The following RGS10 variants were observed in gnomAD, a reference collection of about 807,000 sequenced individuals.
RGS10 encodes the protein regulator of G-protein signalling 10.
A neutral mutation model predicts 23.5 loss-of-function variants in RGS10; 11 were observed. The observed-to-expected ratio is 0.47, with a 90% CI of 0.29 to 0.77. RGS10 has a LOEUF of 0.77. Ranked by LOEUF, RGS10 falls within the 30% of genes least tolerant of loss-of-function variation. RGS10 has a pLI of 0.08. For missense variants in RGS10, 180 were observed against 226.3 expected (o/e 0.80, Z 1.31); for synonymous variants, 77 against 83.2 (o/e 0.92, Z 0.41).
chr10:119,505,739 G>A (rs1434456321), intron 4 of RGS10, among the ~76,000 whole-genome samples: 3 of 152,186 alleles, frequency 2.0e-5, no homozygotes, highest in Non-Finnish European at 4.4e-5. Flanking sequence ...AACCAGCCTT[G>A]AAGGCCCCTC....
intron 3 of RGS10, among the ~76,000 whole-genome samples, chr10:119,520,358 C>T (rs79265523): frequency 6.6e-5 from 10 of 152,250 alleles, no homozygotes; most frequent in East Asian, 1.9e-4. Context: ...CAACGAGAAG[C>T]GCGTCCGGAG....
At chr10:119,515,683 C>G (rs555194939) in intron 3 of RGS10, 31 bp from the exon 4 acceptor site, 1 of 1,612,650 alleles carries the variant, frequency 6.2e-7, no homozygotes, top group Non-Finnish European at 8.5e-7. Flanking sequence ...CTTGTGCTAT[C>G]TGCACACACA....
Position 119,527,193 on chromosome 10 carries a change from C to T in RGS10, c.168+113G>A, listed in dbSNP as rs974710682. 2 of 710,072 alleles carry T rather than the reference C, an allele frequency of 2.8e-6. No homozygotes were observed. The highest frequency in any genetic ancestry group is 4.9e-6 in the Non-Finnish European group (2 of 409,334). The allele number at this position is 710,072 out of a possible 1,614,324, so 44.0% of individuals were successfully genotyped here. A position where few individuals can be genotyped will look rare whatever the true frequency, so the allele number is the denominator to read the frequency against. ...AGACAGTACTGAACTCTCAAGCTGG[C>T]ATAGAGAGTGCTACGCTGACAGACA... On this transcript the variant is annotated intron_variant, in intron 2 of 4. Coordinates refer to ENST00000369103, the MANE Select transcript of RGS10 (RefSeq NM_001005339.2). This position sits in a 1 kb window ranked among gnomAD's most constrained non-coding sequence, Gnocchi z 4.2.
Position 119,517,818 on chromosome 10 carries a change from T to C in RGS10, c.256-2166A>G, listed in dbSNP as rs1844163687. Among the ~76,000 whole-genome samples the C allele has an allele frequency of 6.6e-6, 1 of 152,120 alleles. No homozygotes were observed. The highest frequency in any genetic ancestry group is 2.4e-5 in the African/African-American group (1 of 41,422). On this transcript the variant is annotated intron_variant, in intron 3 of 4. Coordinates refer to ENST00000369103, the MANE Select transcript of RGS10 (RefSeq NM_001005339.2). This position sits in a 1 kb window ranked among gnomAD's most constrained non-coding sequence, Gnocchi z 5.0. ...AAGAGGCCGGGGGAGAGGAAGTAGG[T>C]TCCAGTGACTGCAGGTATATAAGCT...
chr10:119,515,757 G>T, intron 3 of RGS10, 105 bp from the exon 4 acceptor site: 1 of 1,391,112 alleles, frequency 7.2e-7, no homozygotes. Flanking sequence ...TGTGGCAAGA[G>T]AAAGGCACCC....
intron 4 of RGS10, among the ~76,000 whole-genome samples, chr10:119,512,220 A>G (rs1252959122): frequency 6.6e-6 from 1 of 152,212 alleles, no homozygotes; most frequent in Non-Finnish European, 1.5e-5. Context: ...AGCAGTGCTC[A>G]GCAAAGCCAA....
Position 119,536,856 on chromosome 10 carries a change from C to G in RGS10, c.49+5734G>C, listed in dbSNP as rs181874389. Among the ~76,000 whole-genome samples the G allele has an allele frequency of 1.5e-3, 223 of 152,254 alleles. 3 individuals are homozygous for G. In the East Asian group the frequency reaches 0.037, roughly 25 times the overall value. On this transcript the variant is annotated intron_variant, in intron 1 of 4. Transcript: ENST00000369103. ...CATTTCTGCGTAAAGCTGCCCTCAC[C>G]CTCCTACTCTGCCTCAATCTGTCCC...
chr10:119,520,221 A>T (rs141818796), intron 3 of RGS10, among the ~76,000 whole-genome samples: 31 of 152,364 alleles, frequency 2.0e-4, no homozygotes, highest in African/African-American at 6.7e-4. Flanking sequence ...AAAATATCCA[A>T]TAAATGATAT....
intron 1 of RGS10, among the ~76,000 whole-genome samples, chr10:119,529,600 C>T (rs1162809737): frequency 2.6e-5 from 4 of 152,156 alleles, no homozygotes; most frequent in African/African-American, 7.2e-5. Flanking sequence ...GCACATCAGG[C>T]ACCTAGCAGC....
chr10:119,504,582 C>T (rs1375854361), intron 4 of RGS10, among the ~76,000 whole-genome samples: 2 of 152,130 alleles, frequency 1.3e-5, no homozygotes, highest in Admixed American at 6.6e-5. Flanking sequence ...ACATTCACCT[C>T]GAATCTCAGA....
intron 3 of RGS10, among the ~76,000 whole-genome samples, chr10:119,520,809 C>CAAAAAA (rs58487462): frequency 0.016 from 1,954 of 125,916 alleles, 10 homozygotes; most frequent in African/African-American, 0.024. Flanking sequence ...TCTCCAAAAG[C>CAAAAAA]AAAAAAAAAA....
chr10:119,534,766 T>C (rs1459473887), intron 1 of RGS10, among the ~76,000 whole-genome samples: 2 of 151,334 alleles, frequency 1.3e-5, no homozygotes, highest in Non-Finnish European at 1.5e-5. Flanking sequence ...GGTGCACGCC[T>C]GTAGTTCCAG....
chr10:119,533,516 T>C (rs932408927), intron 1 of RGS10, among the ~76,000 whole-genome samples: 6 of 152,236 alleles, frequency 3.9e-5, no homozygotes, highest in Non-Finnish European at 7.3e-5. Context: ...ACCTCTGAAC[T>C]TAAGAATAAA....
intron 3 of RGS10, among the ~76,000 whole-genome samples, chr10:119,521,621 G>A (rs201434814): frequency 1.5e-4 from 5 of 33,762 alleles, no homozygotes; most frequent in Non-Finnish European, 3.9e-4. Flanking sequence ...AAGGAAGGAA[G>A]GAAAGAAAGG....
chr10:119,502,699 G>A (rs564540170), intron 4 of RGS10, among the ~76,000 whole-genome samples: 6 of 152,142 alleles, frequency 3.9e-5, no homozygotes, highest in African/African-American at 1.4e-4. Flanking sequence ...AAGGCTGCCA[G>A]CAAGCCTGAG....
At chr10:119,536,810 T>C (rs1275275436) in intron 1 of RGS10, among the ~76,000 whole-genome samples, 2 of 152,110 alleles carry the variant, frequency 1.3e-5, no homozygotes, top group East Asian at 3.9e-4. Flanking sequence ...CAGAAGCCCC[T>C]GTGTGTCCTC....
At chr10:119,511,267 C>T (rs12244450) in intron 4 of RGS10, among the ~76,000 whole-genome samples, 8,122 of 152,228 alleles carry the variant, frequency 0.053, 266 homozygotes, top group Middle Eastern at 0.078. Context: ...AGAACCATCT[C>T]GCCACTTACA....
intron 3 of RGS10, 65 bp from the exon 4 acceptor site, chr10:119,515,717 C>G (rs1844134852): frequency 1.3e-6 from 2 of 1,590,818 alleles, no homozygotes; most frequent in Admixed American, 1.7e-5. Context: ...GAGCCCTGCT[C>G]TCCCCTCCAG....
chr10:119,527,475 T>A lies in RGS10; in HGVS notation c.50-51A>T. 7.1e-7 allele frequency: 1 copy of A among 1,403,300 alleles called. No homozygotes were observed. The highest frequency in any genetic ancestry group is 1.0e-6 in the Non-Finnish European group (1 of 989,474). 86.9% of individuals were successfully genotyped at this position (1,403,300 alleles called of 1,614,324 possible). On this transcript the variant is annotated intron_variant, in intron 1 of 4. Coordinates refer to ENST00000369103, the MANE Select transcript of RGS10 (RefSeq NM_001005339.2). The surrounding 1 kb of genome is among the most constrained non-coding windows in gnomAD (Gnocchi z 4.2). ...ATGTGGCCAACAGACACTGTCATTT[T>A]AAGAAATCTGCATGCAATGGTCAGC...
Sources: allele counts gnomAD v4.1 joint callset (sites outside exome capture counted in the v4.1 genomes callset), GRCh38; gene constraint gnomAD v4.1.1; non-coding constraint Gnocchi (gnomAD v3.1); transcripts MANE v1.5; gene names NCBI Gene and HGNC (gene_info 2026-07-23, HGNC 2026-07-21).